NAALADL2: variants seen among roughly 807,000 people sequenced by gnomAD.
The protein encoded by NAALADL2 is inactive N-acetylated-alpha-linked acidic dipeptidase-like protein 2.
Under a neutral mutation model 87.2 loss-of-function variants are expected in NAALADL2, and 76 were observed. That is an observed-to-expected ratio of 0.87 (90% CI 0.72 to 1.05). The LOEUF is 1.05. Ranked by LOEUF, NAALADL2 falls within the 50% of genes least tolerant of loss-of-function variation. NAALADL2 has a pLI of 0.00. For synonymous variants in NAALADL2, 354 were observed against 331.0 expected (o/e 1.07, Z -0.75); for missense variants, 1,089 against 945.8 (o/e 1.15, Z -1.99).
chr3:175,080,604 C>T (rs1015377750), intron 1 of NAALADL2, among the ~76,000 whole-genome samples: 3 of 152,164 alleles, frequency 2.0e-5, no homozygotes, highest in South Asian at 2.1e-4. Context: ...AAATCTTACA[C>T]ATTATTGGCT....
At chr3:174,868,804 G>A (rs1331455879) in intron 1 of NAALADL2, among the ~76,000 whole-genome samples, 1 of 152,108 alleles carries the variant, frequency 6.6e-6, no homozygotes, top group Non-Finnish European at 1.5e-5. Context: ...TGATGAAAAT[G>A]TCTAGGACTT....
At chr3:175,270,120 G>C (rs1752594920) in intron 4 of NAALADL2, among the ~76,000 whole-genome samples, 1 of 152,148 alleles carries the variant, frequency 6.6e-6, no homozygotes, top group Non-Finnish European at 1.5e-5. Context: ...AACCATTTTA[G>C]CATTAATTTA....
intron 11 of NAALADL2, among the ~76,000 whole-genome samples, chr3:175,697,870 T>C (rs185736546): frequency 0.013 from 1,383 of 107,022 alleles, 11 homozygotes; most frequent in Non-Finnish European, 0.02. Context: ...TATATGTATG[T>C]ATACATATAT....
At chr3:175,206,612 C>T (rs576963173) in intron 2 of NAALADL2, among the ~76,000 whole-genome samples, 1 of 152,034 alleles carries the variant, frequency 6.6e-6, no homozygotes, top group South Asian at 2.1e-4. Context: ...TCAGTGTATA[C>T]TGCTCGGGTG....
At chr3:175,254,075 T>A (rs1715668368) in intron 3 of NAALADL2, among the ~76,000 whole-genome samples, 1 of 152,182 alleles carries the variant, frequency 6.6e-6, no homozygotes, top group Non-Finnish European at 1.5e-5. Context: ...GTTTTTGAGA[T>A]AATTGACACC....
chr3:174,680,950 C>A (rs111610304), intron 2 of NAALADL2, among the ~76,000 whole-genome samples: 304 of 152,230 alleles, frequency 2.0e-3, no homozygotes, highest in Middle Eastern at 0.01. Flanking sequence ...GAAAGAGCAT[C>A]TTGAATTGGT....
chr3:174,836,061 A>G (rs553855521), intron 3 of NAALADL2, among the ~76,000 whole-genome samples: 2 of 152,206 alleles, frequency 1.3e-5, no homozygotes, highest in East Asian at 1.9e-4. Flanking sequence ...TCATAGGAGC[A>G]TCATTCACAA....
At chr3:175,722,954 G>A (rs1234546245) in intron 11 of NAALADL2, among the ~76,000 whole-genome samples, 2 of 152,076 alleles carry the variant, frequency 1.3e-5, no homozygotes, top group Non-Finnish European at 2.9e-5. Context: ...TAATTTTCCT[G>A]AGGATCTAAA....
chr3:174,485,079 A>G (rs192620030), intron 1 of NAALADL2, among the ~76,000 whole-genome samples: 2 of 152,168 alleles, frequency 1.3e-5, no homozygotes, highest in Non-Finnish European at 2.9e-5. Context: ...CAAGTATACA[A>G]TTGGCCTTCC....
At chr3:174,855,167 A>G (rs1265224967), upstream of NAALADL2, among the ~76,000 whole-genome samples, 2 of 152,140 alleles carry the variant, frequency 1.3e-5, no homozygotes, top group Admixed American at 6.6e-5. Context: ...GAGTGGCAGC[A>G]TAGTAGCTAT....
intron 1 of NAALADL2, among the ~76,000 whole-genome samples, chr3:174,978,609 G>A (rs1043389177): frequency 6.6e-6 from 1 of 152,060 alleles, no homozygotes; most frequent in Non-Finnish European, 1.5e-5. Flanking sequence ...CTTACTATAT[G>A]TTTTCCGAAT....
rs975661024 is a variant in NAALADL2, at chr3:174,609,850, C to T, written c.-115+59213C>T. Among the ~76,000 whole-genome samples, 103 of 152,102 alleles carry T rather than the reference C, an allele frequency of 6.8e-4. 1 individual carries two copies. Among genetic ancestry groups the T allele is most frequent in the Middle Eastern group, 3.4e-3 (1 of 294 alleles). The stretch of plus-strand genomic sequence containing the variant: ...TATGGAACCAAAAAAGAGCCCGCAT[C>T]GCCAAGTCAATCCTAAGCCAAAAGA... On this transcript the variant is annotated intron_variant, in intron 2 of 3. Transcript: ENST00000434257.
chr3:175,052,650 C>T (rs944768114), intron 1 of NAALADL2, among the ~76,000 whole-genome samples: 1 of 152,008 alleles, frequency 6.6e-6, no homozygotes, highest in African/African-American at 2.4e-5. Context: ...TCAGGTGTAC[C>T]TGGGATGTTT....
intron 2 of NAALADL2, among the ~76,000 whole-genome samples, chr3:175,222,733 T>C (rs1743565094): frequency 6.6e-6 from 1 of 152,130 alleles, no homozygotes; most frequent in South Asian, 2.1e-4. Flanking sequence ...TTAATTTATA[T>C]GGGATTAAAA....
intron 11 of NAALADL2, among the ~76,000 whole-genome samples, chr3:175,706,523 T>G (rs1739748576): frequency 6.6e-6 from 1 of 152,166 alleles, no homozygotes. Flanking sequence ...CACCTATTTT[T>G]GGACCACAGT....
At chr3:175,643,923 A>T (rs930931245) in intron 11 of NAALADL2, among the ~76,000 whole-genome samples, 2 of 151,928 alleles carry the variant, frequency 1.3e-5, no homozygotes, top group Non-Finnish European at 2.9e-5. Flanking sequence ...ATGTGTGGCA[A>T]TTTTCCTTGA....
intron 3 of NAALADL2, among the ~76,000 whole-genome samples, chr3:174,807,597 A>G (rs752050369): frequency 6.6e-6 from 1 of 152,118 alleles, no homozygotes; most frequent in Non-Finnish European, 1.5e-5. Flanking sequence ...GTTTGCAAGT[A>G]TATATAAATT....
intron 1 of NAALADL2, among the ~76,000 whole-genome samples, chr3:174,898,189 T>C (rs1437112258): frequency 2.9e-5 from 4 of 137,318 alleles, no homozygotes; most frequent in Non-Finnish European, 3.1e-5. Flanking sequence ...ATGGGCAGAA[T>C]TGGAGATTAT....
chr3:174,725,713 A>T (rs114189593), intron 2 of NAALADL2, among the ~76,000 whole-genome samples: 4,694 of 152,240 alleles, frequency 0.031, 92 homozygotes, highest in African/African-American at 0.052. Context: ...TGTGGTATGT[A>T]TGGGAGAGAG....
Sources: allele counts gnomAD v4.1 joint callset (sites outside exome capture counted in the v4.1 genomes callset), GRCh38; gene constraint gnomAD v4.1.1; transcripts MANE v1.5; gene names NCBI Gene and HGNC (gene_info 2026-07-23, HGNC 2026-07-21).